Variants in MYO5B observed in about 807,000 individuals in gnomAD.
MYO5B encodes unconventional myosin-Vb.
In MYO5B, 143 loss-of-function variants were observed where a neutral mutation model predicts 229.3. The ratio of observed to expected loss-of-function variants is 0.62; its 90% CI spans 0.54 to 0.72. The LOEUF is 0.72. MYO5B is among the 30% of genes least tolerant of loss of function. The probability of loss-of-function intolerance (pLI) is 0.00; values close to 1 mark genes in which losing one functional copy is unlikely to be tolerated. For synonymous variants in MYO5B, 918 were observed against 885.2 expected (o/e 1.04, Z -0.66); for missense variants, 2,321 against 2,331.0 (o/e 1.00, Z 0.09).
intron 18 of MYO5B, among the ~76,000 whole-genome samples, chr18:49,906,837 C>T (rs758910325): frequency 2.0e-5 from 3 of 152,164 alleles, no homozygotes; most frequent in Non-Finnish European, 4.4e-5. Flanking sequence ...GTGAACAAGA[C>T]GCCTGCCCTC....
intron 4 of MYO5B, among the ~76,000 whole-genome samples, chr18:50,029,756 T>G (rs1455496869): frequency 1.3e-5 from 2 of 152,212 alleles, no homozygotes; most frequent in East Asian, 3.9e-4. Flanking sequence ...AGTGTGAAGA[T>G]GCTGAGAACC....
At chr18:50,071,892 C>T (rs1480819316) in intron 1 of MYO5B, among the ~76,000 whole-genome samples, 1 of 152,228 alleles carries the variant, frequency 6.6e-6, no homozygotes, top group Non-Finnish European at 1.5e-5. Context: ...TTCACTGAGT[C>T]CCATGCTCCA....
At chr18:49,971,337 G>T (rs2025690136) in intron 10 of MYO5B, among the ~76,000 whole-genome samples, 1 of 152,158 alleles carries the variant, frequency 6.6e-6, no homozygotes, top group Non-Finnish European at 1.5e-5. Context: ...AAAAAGGCAG[G>T]TTTGGTGGGT....
At chr18:50,150,690 G>C (rs1383875887) in intron 1 of MYO5B, among the ~76,000 whole-genome samples, 1 of 152,202 alleles carries the variant, frequency 6.6e-6, no homozygotes, top group Non-Finnish European at 1.5e-5. Flanking sequence ...TTGTGGGATT[G>C]GGGGAGTGGG....
At chr18:49,929,675 A>C (rs1451407837) in intron 16 of MYO5B, 77 bp from the exon 17 acceptor site, 1 of 1,279,246 alleles carries the variant, frequency 7.8e-7, no homozygotes, top group African/African-American at 1.5e-5. Context: ...AACAAAAAAG[A>C]ATCTTTTCCT....
At chr18:49,907,660 A>G (rs143038448) in intron 18 of MYO5B, among the ~76,000 whole-genome samples, 55 of 152,400 alleles carry the variant, frequency 3.6e-4, no homozygotes, top group African/African-American at 1.3e-3. Flanking sequence ...GCCCTGAAAA[A>G]TGCTGAATCA....
chr18:49,899,008 C>G (rs2024812197), intron 21 of MYO5B, among the ~76,000 whole-genome samples: 1 of 152,146 alleles, frequency 6.6e-6, no homozygotes, highest in African/African-American at 2.4e-5. Context: ...AGATCTCAGG[C>G]GAATCCCCTT....
At chr18:49,858,192 T>A (rs891478046) in intron 29 of MYO5B, among the ~76,000 whole-genome samples, 1 of 152,220 alleles carries the variant, frequency 6.6e-6, no homozygotes, top group Non-Finnish European at 1.5e-5. Context: ...ATTATACCTC[T>A]CCATCATTAA....
At chr18:49,975,233 T>C (rs1453724642) in intron 9 of MYO5B, among the ~76,000 whole-genome samples, 1 of 152,146 alleles carries the variant, frequency 6.6e-6, no homozygotes, top group East Asian at 1.9e-4. Context: ...GCTCCTAAGG[T>C]GGATGGGCCC....
intron 1 of MYO5B, among the ~76,000 whole-genome samples, chr18:50,177,739 G>A (rs1275227348): frequency 1.1e-4 from 17 of 152,256 alleles, no homozygotes; most frequent in Admixed American, 1.1e-3. Flanking sequence ...GTTCTAGACA[G>A]AGCATTCAGT....
At chr18:50,107,855 C>T (rs1463684546) in intron 1 of MYO5B, among the ~76,000 whole-genome samples, 2 of 152,226 alleles carry the variant, frequency 1.3e-5, no homozygotes, top group South Asian at 2.1e-4. Flanking sequence ...AAGGATACCA[C>T]ACCCTGAAGT....
chr18:50,081,997 C>T (rs886671970), intron 1 of MYO5B, among the ~76,000 whole-genome samples: 1 of 152,148 alleles, frequency 6.6e-6, no homozygotes, highest in African/African-American at 2.4e-5. Context: ...AGTGAAAATA[C>T]ACCTATAAAA....
At chr18:50,019,251 T>A (rs2144355746) in intron 4 of MYO5B, among the ~76,000 whole-genome samples, 1 of 152,274 alleles carries the variant, frequency 6.6e-6, no homozygotes, top group African/African-American at 2.4e-5. Flanking sequence ...CACAGTTCCA[T>A]CCTTATTATT....
chr18:50,021,327 C>G (rs530141407), intron 4 of MYO5B, among the ~76,000 whole-genome samples: 1 of 152,152 alleles, frequency 6.6e-6, no homozygotes, highest in African/African-American at 2.4e-5. Context: ...GAGAGAGACA[C>G]AAGAATTGAA....
intron 1 of MYO5B, among the ~76,000 whole-genome samples, chr18:50,115,395 A>C (rs2031939785): frequency 6.6e-6 from 1 of 152,224 alleles, no homozygotes; most frequent in South Asian, 2.1e-4. Flanking sequence ...AGAAGTCAAC[A>C]GTTATGCAAC....
chr18:50,077,859 C>T (rs988773459), intron 1 of MYO5B, among the ~76,000 whole-genome samples: 2 of 152,162 alleles, frequency 1.3e-5, no homozygotes, highest in East Asian at 1.9e-4. Flanking sequence ...TGCAAGTTTC[C>T]GGTTCCTACA....
chr18:50,129,580 C>G (rs935142828), intron 1 of MYO5B, among the ~76,000 whole-genome samples: 3 of 152,298 alleles, frequency 2.0e-5, no homozygotes, highest in East Asian at 3.9e-4. Context: ...TTCCTAGAGC[C>G]TTTCTGTAGT....
At chr18:50,031,159 A>G (rs2026384451) in intron 4 of MYO5B, among the ~76,000 whole-genome samples, 1 of 152,086 alleles carries the variant, frequency 6.6e-6, no homozygotes, top group South Asian at 2.1e-4. Context: ...TCTGGGGCAA[A>G]CAGATTGGGT....
chr18:50,055,845 TGAAA>T (rs2144418653), intron 1 of MYO5B, among the ~76,000 whole-genome samples: 1 of 152,350 alleles, frequency 6.6e-6, no homozygotes, highest in African/African-American at 2.4e-5. Flanking sequence ...CCTGCAGAAG[TGAAA>T]GAAAGTGGTC....
Sources: allele counts gnomAD v4.1 joint callset (sites outside exome capture counted in the v4.1 genomes callset), GRCh38; gene constraint gnomAD v4.1.1; transcripts MANE v1.5; gene names NCBI Gene and HGNC (gene_info 2026-07-23, HGNC 2026-07-21).